The following ADK variants were observed in gnomAD, a reference collection of about 807,000 sequenced individuals.
The protein encoded by ADK is N6,N6-dimethyladenosine kinase.
In ADK, 24 loss-of-function variants were observed where a neutral mutation model predicts 44.7. That is an observed-to-expected ratio of 0.54 (90% CI 0.39 to 0.76). The LOEUF is 0.76. Ranked by LOEUF, ADK falls within the 30% of genes least tolerant of loss-of-function variation. ADK has a pLI of 0.00. For synonymous variants in ADK, 128 were observed against 142.6 expected, an observed-to-expected ratio of 0.90 and a Z score of 0.73; for missense variants, 321 against 425.1, an observed-to-expected ratio of 0.76 and a Z score of 2.15.
intron 3 of ADK, among the ~76,000 whole-genome samples, chr10:74,289,176 C>T (rs1179135565): frequency 6.6e-6 from 1 of 152,162 alleles, no homozygotes; most frequent in Non-Finnish European, 1.5e-5. Flanking sequence ...TGAAGTCTGT[C>T]TATAGCTTCT....
intron 3 of ADK, among the ~76,000 whole-genome samples, chr10:74,231,668 G>A (rs548781600): frequency 2.4e-4 from 36 of 152,198 alleles, no homozygotes; most frequent in Middle Eastern, 3.4e-3. Context: ...GTCTTGCCAT[G>A]TTGTCCAGGC....
chr10:74,234,845 T>C (rs1247397836), intron 3 of ADK, among the ~76,000 whole-genome samples: 3 of 152,182 alleles, frequency 2.0e-5, no homozygotes, highest in Non-Finnish European at 4.4e-5. Context: ...CTATAACATT[T>C]CCCTGTAAAA....
At chr10:74,593,164 C>T (rs1020455258) in intron 8 of ADK, among the ~76,000 whole-genome samples, 1 of 152,112 alleles carries the variant, frequency 6.6e-6, no homozygotes, top group Non-Finnish European at 1.5e-5. Flanking sequence ...AAATAAGACC[C>T]TAAATCAGGC....
Position 74,550,214 on chromosome 10 carries a change from G to A in ADK, c.726+24788G>A, listed in dbSNP as rs551583337. ...GCCTCCCAAGTAGCTGGGATCACAG[G>A]CATCCACCACCATGCCCAGCTAATT... On this transcript the variant is annotated intron_variant, in intron 7 of 10. Transcript: ENST00000539909. 3.3e-5 allele frequency among the ~76,000 whole-genome samples: 5 copies of A among 151,992 alleles called. No homozygotes were observed. In the South Asian group the frequency reaches 1.0e-3, roughly 32 times the overall value.
At chr10:74,257,285 A>G (rs1175799328) in intron 3 of ADK, among the ~76,000 whole-genome samples, 1 of 152,176 alleles carries the variant, frequency 6.6e-6, no homozygotes, top group East Asian at 1.9e-4. Flanking sequence ...TATCCTGTGA[A>G]TTCTGTATTT....
chr10:74,635,659 A>T (rs1054191126), intron 9 of ADK, among the ~76,000 whole-genome samples: 2 of 152,152 alleles, frequency 1.3e-5, no homozygotes, highest in African/African-American at 4.8e-5. Flanking sequence ...GGCTACATTA[A>T]GGTAGTACGT....
At chr10:74,420,961 G>A (rs139567045) in intron 6 of ADK, among the ~76,000 whole-genome samples, 30 of 152,310 alleles carry the variant, frequency 2.0e-4, no homozygotes, top group African/African-American at 7.2e-4. Flanking sequence ...GTATGGTACT[G>A]TGGTGGTGGA....
intron 6 of ADK, among the ~76,000 whole-genome samples, chr10:74,466,839 A>G (rs1223995525): frequency 1.3e-5 from 2 of 152,174 alleles, no homozygotes; most frequent in East Asian, 3.8e-4. Flanking sequence ...TTCCTTTAAT[A>G]TCTGTTACCT....
intron 1 of ADK, among the ~76,000 whole-genome samples, chr10:74,172,040 C>A (rs1034871028): frequency 6.6e-6 from 1 of 151,868 alleles, no homozygotes; most frequent in Admixed American, 6.6e-5. Context: ...ACTGCTGACA[C>A]GACTGGTACT....
At chr10:74,534,929 ATTAT>A (rs1380128027) in intron 7 of ADK, among the ~76,000 whole-genome samples, 1 of 152,172 alleles carries the variant, frequency 6.6e-6, no homozygotes, top group African/African-American at 2.4e-5. Context: ...ATTTGTGTTC[ATTAT>A]TTAATTATTT....
intron 3 of ADK, among the ~76,000 whole-genome samples, chr10:74,246,025 A>C (rs1217498449): frequency 6.6e-6 from 1 of 151,968 alleles, no homozygotes; most frequent in African/African-American, 2.4e-5. Flanking sequence ...TATTCAGGTT[A>C]AAAAAAATCA....
intron 3 of ADK, among the ~76,000 whole-genome samples, chr10:74,235,320 G>A (rs1844918789): frequency 6.6e-6 from 1 of 152,122 alleles, no homozygotes; most frequent in Non-Finnish European, 1.5e-5. Context: ...GACATTTACG[G>A]TTTAAAAAAA....
intron 6 of ADK, among the ~76,000 whole-genome samples, chr10:74,474,952 C>T (rs899562843): frequency 2.0e-5 from 3 of 152,046 alleles, no homozygotes; most frequent in Non-Finnish European, 2.9e-5. Flanking sequence ...ATGGTGAAAC[C>T]CCGTCTCTAC....
chr10:74,484,701 T>A (rs192545657), intron 6 of ADK, among the ~76,000 whole-genome samples: 18 of 152,302 alleles, frequency 1.2e-4, no homozygotes, highest in African/African-American at 3.8e-4. Context: ...CATTCTGTGA[T>A]TTTTGTAATA....
At chr10:74,289,698 T>C (rs1367453893) in intron 3 of ADK, among the ~76,000 whole-genome samples, 1 of 152,116 alleles carries the variant, frequency 6.6e-6, no homozygotes, top group Non-Finnish European at 1.5e-5. Context: ...GGCACTATGT[T>C]TTTGAAAAAG....
At chr10:74,495,801 T>G (rs1387633232) in intron 6 of ADK, among the ~76,000 whole-genome samples, 1 of 152,180 alleles carries the variant, frequency 6.6e-6, no homozygotes, top group Middle Eastern at 3.2e-3. Context: ...GTTCTGCTGT[T>G]AATTATCTCC....
At chr10:74,478,733 T>C (rs1846950216) in intron 6 of ADK, among the ~76,000 whole-genome samples, 1 of 152,216 alleles carries the variant, frequency 6.6e-6, no homozygotes, top group East Asian at 1.9e-4. Context: ...GAATTCCAAA[T>C]AGCTTGTTAG....
intron 1 of ADK, among the ~76,000 whole-genome samples, chr10:74,200,245 A>G (rs1299400120): frequency 8.0e-6 from 1 of 124,582 alleles, no homozygotes; most frequent in Non-Finnish European, 1.6e-5. Flanking sequence ...GCATTTTGGG[A>G]GGCTAAGGCA....
rs575545045 is a variant in ADK at position 74,438,286 on chromosome 10, G to A, written c.555+39707G>A. Among the ~76,000 whole-genome samples the A allele has an allele frequency of 2.7e-5, 4 of 149,134 alleles. No homozygotes were observed. In the South Asian group the frequency reaches 6.4e-4, roughly 24 times the overall value. On this transcript the variant is annotated intron_variant, in intron 6 of 10. Coordinates refer to ENST00000539909, the MANE Select transcript of ADK (RefSeq NM_006721.4). ...GTCACCCAGGCTGGAGTGCAATGAC[G>A]CCATCTCGGCTCACTGCAACCTCCA...
Sources: gnomAD v4.1 joint callset for allele counts (sites outside exome capture counted in the v4.1 genomes callset) on GRCh38, gnomAD v4.1.1 for gene constraint, MANE v1.5 for transcripts, NCBI Gene and HGNC (gene_info 2026-07-23, HGNC 2026-07-21) for gene names.